The following CDC14B variants were observed in gnomAD, a reference collection of about 807,000 sequenced individuals.
CDC14B encodes the protein dual specificity protein phosphatase CDC14B.
In CDC14B, 22 loss-of-function variants were observed where a neutral mutation model predicts 64.2. The observed-to-expected ratio is 0.34, with a 90% CI of 0.24 to 0.49. CDC14B has a LOEUF of 0.49. CDC14B is among the 20% of genes least tolerant of loss of function. CDC14B has a pLI of 0.99. For synonymous variants in CDC14B, 191 were observed against 215.8 expected (o/e 0.89, Z 1.01); for missense variants, 498 against 629.9 (o/e 0.79, Z 2.24).
chr9:96,602,339 G>A (rs535867792), intron 1 of CDC14B, among the ~76,000 whole-genome samples: 30 of 151,932 alleles, frequency 2.0e-4, no homozygotes, highest in African/African-American at 6.1e-4. Context: ...CAGCACCTCT[G>A]CAAAAAAGAA....
intron 1 of CDC14B, among the ~76,000 whole-genome samples, chr9:96,603,635 G>C (rs965721863): frequency 4.6e-5 from 7 of 152,178 alleles, no homozygotes; most frequent in African/African-American, 1.4e-4. Context: ...CCAACGTCAA[G>C]GCTTTTATTA....
downstream of CDC14B, among the ~76,000 whole-genome samples, chr9:96,498,384 G>A (rs1386670756): frequency 1.3e-5 from 2 of 152,352 alleles, no homozygotes; most frequent in African/African-American, 2.4e-5. Flanking sequence ...GGGCAGATAC[G>A]CCCAGTGGGA....
chr9:96,567,922 C>T (rs921870763), intron 1 of CDC14B, among the ~76,000 whole-genome samples: 8 of 152,170 alleles, frequency 5.3e-5, no homozygotes, highest in African/African-American at 1.4e-4. Context: ...AAACATCTCA[C>T]GTACCCCATA....
chr9:96,510,608 C>CTT (rs879292814), intron 12 of CDC14B, among the ~76,000 whole-genome samples: 8 of 138,602 alleles, frequency 5.8e-5, no homozygotes, highest in African/African-American at 1.6e-4. Context: ...ATATGCAATT[C>CTT]TTTTTTTTTT....
chr9:96,502,624 A>G lies in CDC14B; in HGVS notation c.*1129T>C, dbSNP rs901795743. The stretch of plus-strand genomic sequence containing the variant: ...TTTTTTTTTTTTTAGCAGCACATCA[A>G]TTCTGTTTCTGTAACTGCTTCATGG... On this transcript the variant is annotated 3_prime_UTR_variant, in exon 14 of 14. Coordinates refer to ENST00000375241, the MANE Select transcript of CDC14B (RefSeq NM_033331.4). The G allele has an allele frequency of 2.9e-6, 1 of 350,264 alleles. No individual in the cohort carries two copies. Among genetic ancestry groups the G allele is most frequent in the Non-Finnish European group, 5.0e-6 (1 of 199,346 alleles). The allele number at this position is 350,264 out of a possible 1,614,324, so 21.7% of individuals were successfully genotyped here.
intron 13 of CDC14B, among the ~76,000 whole-genome samples, chr9:96,493,935 C>T (rs911067972): frequency 1.3e-5 from 2 of 152,232 alleles, no homozygotes. Context: ...GCGCTGCCTC[C>T]AGGCGCTCCC....
downstream of CDC14B, among the ~76,000 whole-genome samples, chr9:96,499,768 C>T (rs142360813): frequency 6.6e-6 from 1 of 152,306 alleles, no homozygotes; most frequent in East Asian, 1.9e-4. Flanking sequence ...TCGGGGTAAG[C>T]CCCAATCCAA....
downstream of CDC14B, among the ~76,000 whole-genome samples, chr9:96,497,281 G>A (rs1833293606): frequency 6.6e-6 from 1 of 151,890 alleles, no homozygotes; most frequent in Non-Finnish European, 1.5e-5. Context: ...GTCAGGCGGG[G>A]TTAGAGGCGG....
At chr9:96,585,475 G>T (rs2118466076) in intron 1 of CDC14B, among the ~76,000 whole-genome samples, 1 of 151,920 alleles carries the variant, frequency 6.6e-6, no homozygotes, top group Admixed American at 6.6e-5. Flanking sequence ...CAAAAGTTTT[G>T]AATACATTTC....
intron 5 of CDC14B, among the ~76,000 whole-genome samples, chr9:96,546,041 A>G (rs1467532503): frequency 1.3e-5 from 2 of 152,232 alleles, no homozygotes; most frequent in Non-Finnish European, 2.9e-5. Context: ...CGTAAGAATC[A>G]ATAAATGGGC....
chr9:96,545,797 T>A lies in CDC14B; in HGVS notation c.498-3905A>T, dbSNP rs530792025. On this transcript the variant is annotated intron_variant, in intron 5 of 13. Transcript: ENST00000375241. Reference sequence around the variant, plus strand: ...TCACACGCTTTCATCTGGGCCCTGCTGAAGTCCTGCCTCATACATCATAGA... The same window carrying A: ...TCACACGCTTTCATCTGGGCCCTGCAGAAGTCCTGCCTCATACATCATAGA... Among the ~76,000 whole-genome samples the A allele has an allele frequency of 5.9e-5, 9 of 152,282 alleles. No homozygotes were observed. In the South Asian group the frequency reaches 1.9e-3, roughly 32 times the overall value.
At chr9:96,551,989 C>T in intron 4 of CDC14B, 117 bp from the exon 5 acceptor site, 3 of 1,320,460 alleles carry the variant, frequency 2.3e-6, no homozygotes, top group Middle Eastern at 3.8e-4. Flanking sequence ...TCCAGCCTTC[C>T]CCAGGAGCCT....
chr9:96,611,257 C>T, intron 1 of CDC14B, among the ~76,000 whole-genome samples: 1 of 152,190 alleles, frequency 6.6e-6, no homozygotes, highest in East Asian at 1.9e-4. Context: ...GACGTCAATT[C>T]TTCTTATAAC....
intron 4 of CDC14B, among the ~76,000 whole-genome samples, chr9:96,552,733 C>G (rs146063246): frequency 2.1e-3 from 317 of 152,218 alleles, no homozygotes; most frequent in African/African-American, 7.3e-3. Context: ...CTGCCTACCC[C>G]CTATTACATT....
intron 13 of CDC14B, among the ~76,000 whole-genome samples, chr9:96,507,420 ATT>A (rs547920065): frequency 1.4e-5 from 2 of 143,770 alleles, no homozygotes; most frequent in Non-Finnish European, 1.5e-5. Context: ...TTTTTATTTG[ATT>A]TTTTTTTTTT....
rs1833743090 is a variant in CDC14B, at chr9:96,503,657, G to C, written c.*96C>G. The C allele has an allele frequency of 1.8e-6, 2 of 1,108,514 alleles. No homozygotes were observed. The highest frequency in any genetic ancestry group is 3.9e-5 in the Admixed American group (2 of 51,692). 68.7% of individuals were successfully genotyped at this position (1,108,514 alleles called of 1,614,324 possible). ...CTTCTTAGGTGGAAAAAGCAACTAA[G>C]GCTTTTGCAATTTTGTTTTGTTTTC... On this transcript the variant is annotated 3_prime_UTR_variant, in exon 14 of 14. Coordinates refer to ENST00000375241, the MANE Select transcript of CDC14B (RefSeq NM_033331.4).
intron 13 of CDC14B, among the ~76,000 whole-genome samples, chr9:96,504,284 G>C (rs1833831709): frequency 6.6e-6 from 1 of 152,124 alleles, no homozygotes; most frequent in African/African-American, 2.4e-5. Flanking sequence ...ACCGAGCACA[G>C]GAGGCACCCC....
intron 1 of CDC14B, among the ~76,000 whole-genome samples, chr9:96,594,008 T>A (rs993692080): frequency 6.6e-6 from 1 of 152,186 alleles, no homozygotes; most frequent in Non-Finnish European, 1.5e-5. Flanking sequence ...AACATAAGAT[T>A]TCCAATACTA....
intron 5 of CDC14B, among the ~76,000 whole-genome samples, chr9:96,546,455 G>A (rs557179284): frequency 3.3e-5 from 5 of 149,690 alleles, no homozygotes; most frequent in African/African-American, 1.3e-4. Flanking sequence ...TTTTTTTGCG[G>A]GGAGTGGGGT....
Sources: allele counts gnomAD v4.1 joint callset (sites outside exome capture counted in the v4.1 genomes callset), GRCh38; gene constraint gnomAD v4.1.1; transcripts MANE v1.5; gene names NCBI Gene and HGNC (gene_info 2026-07-23, HGNC 2026-07-21).